MYRFL: variants seen among roughly 807,000 people sequenced by gnomAD.
MYRFL encodes the protein myelin regulatory factor-like protein.
Under a neutral mutation model 109.4 loss-of-function variants are expected in MYRFL, and 88 were observed. The ratio of observed to expected loss-of-function variants is 0.80; its 90% CI spans 0.68 to 0.96. The LOEUF is 0.96. Ranked by LOEUF, MYRFL falls within the 40% of genes least tolerant of loss-of-function variation. The pLI, the probability that MYRFL is intolerant of heterozygous loss-of-function variation, is 0.00. For synonymous variants in MYRFL, 324 were observed against 320.9 expected, an observed-to-expected ratio of 1.01 and a Z score of -0.10; for missense variants, 957 against 954.9, an observed-to-expected ratio of 1.00 and a Z score of -0.03.
At chr12:69,946,767 A>G (rs1403812455) in intron 19 of MYRFL, 1 of 152,224 alleles carries the variant, frequency 6.6e-6, no homozygotes, top group Non-Finnish European at 1.5e-5. Flanking sequence ...GAGGCACTGG[A>G]CCTTGCTTAA....
intron 19 of MYRFL, among the ~76,000 whole-genome samples, chr12:69,950,195 G>T (rs1955941894): frequency 6.6e-6 from 1 of 151,978 alleles, no homozygotes; most frequent in Admixed American, 6.6e-5. Context: ...TTATTTTACT[G>T]TAGGGATAGT....
At chr12:69,949,951 C>CTT (rs1463475818) in intron 19 of MYRFL, among the ~76,000 whole-genome samples, 5 of 152,166 alleles carry the variant, frequency 3.3e-5, no homozygotes, top group Non-Finnish European at 4.4e-5. Context: ...CACTCTTGGA[C>CTT]TTTTGTAAGG....
intron 13 of MYRFL, among the ~76,000 whole-genome samples, chr12:69,925,516 T>A (rs1955048097): frequency 6.6e-6 from 1 of 151,934 alleles, no homozygotes; most frequent in Non-Finnish European, 1.5e-5. Flanking sequence ...TGGACCAGCC[T>A]CTCTGCAATT....
At chr12:69,878,599 T>C (rs946071947) in intron 2 of MYRFL, among the ~76,000 whole-genome samples, 1 of 152,266 alleles carries the variant, frequency 6.6e-6, no homozygotes, top group Non-Finnish European at 1.5e-5. Context: ...TCTGTCACTT[T>C]AAATATTTGT....
intron 1 of MYRFL, among the ~76,000 whole-genome samples, chr12:69,842,016 T>A (rs1256857295): frequency 6.6e-6 from 1 of 152,192 alleles, no homozygotes; most frequent in Non-Finnish European, 1.5e-5. Context: ...TAACTTATCC[T>A]GGGTTACACA....
chr12:69,905,130 T>A (rs554310040), intron 11 of MYRFL, among the ~76,000 whole-genome samples: 14 of 152,320 alleles, frequency 9.2e-5, no homozygotes, highest in Admixed American at 7.8e-4. Flanking sequence ...TAGAGAGAGA[T>A]CATCTGTCTG....
rs527787292 is a variant in MYRFL, at chr12:69,935,988, C to G, written c.1917-125C>G. 1.5e-5 allele frequency: 17 copies of G among 1,157,086 alleles called. 1 individual carries two copies. The South Asian group carries it at 2.7e-4, about 18-fold the overall frequency. The allele number at this position is 1,157,086 out of a possible 1,614,324, so 71.7% of individuals were successfully genotyped here. ...TTCTGTCAGCCGTGGCCATCCCCTC[C>G]CCCCTGCTCCCATCTGTGTGGCCTG... On this transcript the variant is annotated intron_variant, in intron 16 of 24. Coordinates refer to ENST00000552032, the MANE Select transcript of MYRFL (RefSeq NM_182530.3).
intron 13 of MYRFL, among the ~76,000 whole-genome samples, chr12:69,916,768 C>G (rs1954741566): frequency 6.6e-6 from 1 of 152,032 alleles, no homozygotes; most frequent in South Asian, 2.1e-4. Context: ...TCCCATGATG[C>G]CTTCAGTGCA....
chr12:69,868,306 G>C (rs746294252), intron 2 of MYRFL, among the ~76,000 whole-genome samples: 11 of 151,708 alleles, frequency 7.3e-5, no homozygotes, highest in Non-Finnish European at 1.5e-4. Context: ...GTAGAGATGG[G>C]GTTTCACCAT....
chr12:69,870,100 T>C (rs7305916), intron 2 of MYRFL, among the ~76,000 whole-genome samples: 20 of 18,418 alleles, frequency 1.1e-3, no homozygotes, highest in African/African-American at 4.1e-3. Context: ...TTTTTCTTCC[T>C]TTTTTTTTTT....
intron 13 of MYRFL, among the ~76,000 whole-genome samples, chr12:69,918,705 A>C (rs1954820394): frequency 6.6e-6 from 1 of 152,322 alleles, no homozygotes; most frequent in African/African-American, 2.4e-5. Context: ...TTCTCTGATT[A>C]GTAATAAAGT....
intron 10 of MYRFL, among the ~76,000 whole-genome samples, chr12:69,898,685 A>G (rs908472814): frequency 2.0e-5 from 3 of 152,376 alleles, no homozygotes; most frequent in East Asian, 1.9e-4. Flanking sequence ...TAGCATAGCT[A>G]AGATATCATG....
chr12:69,949,726 T>C (rs1955929076), intron 19 of MYRFL, among the ~76,000 whole-genome samples: 1 of 152,004 alleles, frequency 6.6e-6, no homozygotes, highest in South Asian at 2.1e-4. Flanking sequence ...ACAATTCTTC[T>C]TCCAGTGTGG....
chr12:69,907,293 A>G (rs530256411), intron 11 of MYRFL, among the ~76,000 whole-genome samples: 1 of 152,328 alleles, frequency 6.6e-6, no homozygotes, highest in East Asian at 1.9e-4. Context: ...CTAGAGGATG[A>G]TAGTAGTACC....
chr12:69,875,124 T>C (rs1885583083), intron 2 of MYRFL, among the ~76,000 whole-genome samples: 1 of 16,960 alleles, frequency 5.9e-5, no homozygotes, highest in African/African-American at 1.5e-4. Flanking sequence ...GGCTGTTATA[T>C]CTTAATTTTT....
intron 1 of MYRFL, among the ~76,000 whole-genome samples, chr12:69,834,458 C>G (rs1882818137): frequency 6.6e-6 from 1 of 152,166 alleles, no homozygotes; most frequent in African/African-American, 2.4e-5. Flanking sequence ...ATCCTGGTTT[C>G]TTTGCATCTT....
intron 5 of MYRFL, among the ~76,000 whole-genome samples, chr12:69,882,990 A>G (rs11177923): frequency 0.087 from 13,291 of 152,264 alleles, 1,126 homozygotes; most frequent in East Asian, 0.45. Context: ...ACCCATCTCT[A>G]AGACTTTTTA....
chr12:69,850,881 AG>A (rs976083294), intron 1 of MYRFL, among the ~76,000 whole-genome samples: 9 of 152,056 alleles, frequency 5.9e-5, no homozygotes, highest in African/African-American at 2.2e-4. Context: ...TACTTTCAAG[AG>A]GGACTTAAAG....
chr12:69,861,398 C>T (rs1884654435), intron 2 of MYRFL, among the ~76,000 whole-genome samples: 2 of 152,224 alleles, frequency 1.3e-5, no homozygotes, highest in Admixed American at 1.3e-4. Flanking sequence ...TCCACATCCT[C>T]TCCAGCATCT....
Sources: allele counts gnomAD v4.1 joint callset (sites outside exome capture counted in the v4.1 genomes callset), GRCh38; gene constraint gnomAD v4.1.1; transcripts MANE v1.5; gene names NCBI Gene and HGNC (gene_info 2026-07-23, HGNC 2026-07-21).